The following DGKG variants were observed in gnomAD, a reference collection of about 807,000 sequenced individuals.
The protein encoded by DGKG is DAG kinase gamma.
In DGKG, 78 loss-of-function variants were observed where a neutral mutation model predicts 105.3. The ratio of observed to expected loss-of-function variants is 0.74; its 90% CI spans 0.62 to 0.89. DGKG has a LOEUF of 0.89. Among genes scored for constraint, DGKG ranks in the 40% least tolerant of loss-of-function variants. DGKG has a pLI of 0.00. For synonymous variants in DGKG, 346 were observed against 367.1 expected (o/e 0.94, Z 0.66); for missense variants, 958 against 1,020.1 (o/e 0.94, Z 0.83).
chr3:186,196,902 C>T (rs1048943703), intron 21 of DGKG, among the ~76,000 whole-genome samples: 4 of 152,082 alleles, frequency 2.6e-5, no homozygotes, highest in South Asian at 2.1e-4. Context: ...TTTGGTGGCA[C>T]ACAGGCTGGA....
intron 1 of DGKG, among the ~76,000 whole-genome samples, chr3:186,348,419 A>T (rs1391748821): frequency 7.1e-6 from 1 of 140,458 alleles, no homozygotes; most frequent in Admixed American, 7.2e-5. Context: ...TTTTCTGTAC[A>T]AATTACTGAA....
chr3:186,318,730 T>A (rs1204352664), intron 2 of DGKG, among the ~76,000 whole-genome samples: 2 of 152,106 alleles, frequency 1.3e-5, no homozygotes, highest in Non-Finnish European at 2.9e-5. Context: ...ATGGATCCCT[T>A]CTCCACAGCT....
chr3:186,340,110 TG>T (rs1726019377), intron 1 of DGKG, among the ~76,000 whole-genome samples: 1 of 152,108 alleles, frequency 6.6e-6, no homozygotes, highest in East Asian at 1.9e-4. Flanking sequence ...CCTCATAAAA[TG>T]GAGAAGTGGT....
chr3:186,250,494 A>G (rs557372953), intron 19 of DGKG, among the ~76,000 whole-genome samples: 78 of 151,680 alleles, frequency 5.1e-4, no homozygotes, highest in African/African-American at 1.8e-3. Context: ...ATAAAAGTTT[A>G]GGGAAAAAAT....
intron 24 of DGKG, among the ~76,000 whole-genome samples, chr3:186,156,841 T>C (rs991478282): frequency 6.6e-6 from 1 of 152,094 alleles, no homozygotes; most frequent in Non-Finnish European, 1.5e-5. Context: ...TTAATATTTG[T>C]CCATTTTTTC....
At chr3:186,276,126 C>T (rs1359796561) in intron 9 of DGKG, among the ~76,000 whole-genome samples, 1 of 152,112 alleles carries the variant, frequency 6.6e-6, no homozygotes, top group African/African-American at 2.4e-5. Flanking sequence ...CTGCCAGATG[C>T]TTAACCCAGC....
chr3:186,201,892 T>A (rs1372334734), intron 21 of DGKG, among the ~76,000 whole-genome samples: 3 of 152,190 alleles, frequency 2.0e-5, no homozygotes, highest in African/African-American at 7.2e-5. Flanking sequence ...CTGATAGATA[T>A]GCCAAGTCCT....
chr3:186,348,451 C>CTTTTT (rs1159516433), intron 1 of DGKG, among the ~76,000 whole-genome samples: 36 of 50,698 alleles, frequency 7.1e-4, no homozygotes, highest in African/African-American at 2.6e-3. Context: ...GGCTCATAAT[C>CTTTTT]TTTTTTTTTT....
chr3:186,300,149 T>C (rs534648099), intron 3 of DGKG, among the ~76,000 whole-genome samples: 6 of 152,256 alleles, frequency 3.9e-5, no homozygotes, highest in Non-Finnish European at 7.4e-5. Context: ...TCTTCTCCAA[T>C]TGTAACCCAC....
intron 18 of DGKG, among the ~76,000 whole-genome samples, chr3:186,252,591 G>A (rs1721276764): frequency 6.6e-6 from 1 of 152,188 alleles, no homozygotes; most frequent in Admixed American, 6.5e-5. Flanking sequence ...TCAAAATGAG[G>A]GCCCATGGCT....
At chr3:186,313,494 C>T (rs1470355318) in intron 2 of DGKG, 1 of 985,018 alleles carries the variant, frequency 1.0e-6, no homozygotes, top group Admixed American at 6.2e-5. Context: ...AATAATTTGG[C>T]TTCATCAGTC....
chr3:186,164,231 A>G (rs1171903297), intron 23 of DGKG, among the ~76,000 whole-genome samples: 1 of 152,236 alleles, frequency 6.6e-6, no homozygotes, highest in Non-Finnish European at 1.5e-5. Flanking sequence ...GAAAAAGGAA[A>G]GGAATAAAGA....
intron 24 of DGKG, chr3:186,161,241 A>G: frequency 2.9e-6 from 3 of 1,037,792 alleles, no homozygotes; most frequent in African/African-American, 1.7e-5. Flanking sequence ...TCATCAGCAG[A>G]ACAGTCTTCC....
chr3:186,176,075 G>T (rs1474746294), intron 22 of DGKG, among the ~76,000 whole-genome samples: 1 of 152,210 alleles, frequency 6.6e-6, no homozygotes, highest in Non-Finnish European at 1.5e-5. Context: ...GTACCCGAAG[G>T]CAGGGAGGTG....
chr3:186,319,932 C>T (rs2072572), intron 2 of DGKG, among the ~76,000 whole-genome samples: 99,549 of 152,130 alleles, frequency 0.65, 32,740 homozygotes, highest in Middle Eastern at 0.7. Flanking sequence ...CAGGAATATA[C>T]TACAGTAAAC....
intron 2 of DGKG, among the ~76,000 whole-genome samples, chr3:186,317,771 G>A (rs1281475743): frequency 1.3e-5 from 2 of 152,126 alleles, no homozygotes; most frequent in South Asian, 2.1e-4. Context: ...TGCAGCACCC[G>A]TGCTTGAGTC....
chr3:186,215,759 TAGAC>T (rs1047603325), intron 20 of DGKG, among the ~76,000 whole-genome samples: 3 of 152,224 alleles, frequency 2.0e-5, no homozygotes, highest in South Asian at 2.1e-4. Context: ...GTTTTTGTCT[TAGAC>T]AGCGTGATAG....
intron 20 of DGKG, among the ~76,000 whole-genome samples, chr3:186,238,252 C>T (rs1720510563): frequency 3.1e-5 from 4 of 128,490 alleles, no homozygotes. Flanking sequence ...GCCAAGATCA[C>T]ACCACTGCAC....
chr3:186,218,397 G>A lies in DGKG; in HGVS notation c.1827-6512C>T, dbSNP rs955380020. 1.5e-4 allele frequency among the ~76,000 whole-genome samples: 22 copies of A among 151,298 alleles called. 1 individual carries two copies. The highest frequency in any genetic ancestry group is 5.9e-5 in the Non-Finnish European group (4 of 67,902). On this transcript the variant is annotated intron_variant, in intron 20 of 24. Coordinates refer to ENST00000265022, the MANE Select transcript of DGKG (RefSeq NM_001346.3). ...TGCATGACTGTAATCCCAGCTACTC[G>A]GGAAGCTGAGGCAGGAGAATCTCTT... is the stretch of plus-strand genomic sequence containing the variant.
Sources: gnomAD v4.1 joint callset for allele counts (sites outside exome capture counted in the v4.1 genomes callset) on GRCh38, gnomAD v4.1.1 for gene constraint, MANE v1.5 for transcripts, NCBI Gene and HGNC (gene_info 2026-07-23, HGNC 2026-07-21) for gene names.